RANBP17: variants seen among roughly 807,000 people sequenced by gnomAD.
RANBP17 encodes RAN binding protein 17.
In RANBP17, 158 loss-of-function variants were observed where a neutral mutation model predicts 141.2. The observed-to-expected ratio is 1.12, with a 90% CI of 0.98 to 1.28. The LOEUF (loss-of-function observed/expected upper bound fraction) is 1.28, where lower values mean the gene tolerates loss of function less well. Ranked by LOEUF, RANBP17 falls within the 50% of genes most tolerant of loss-of-function variation. The pLI, the probability that RANBP17 is intolerant of heterozygous loss-of-function variation, is 0.00. For synonymous variants in RANBP17, 430 were observed against 450.0 expected, an observed-to-expected ratio of 0.96 and a Z score of 0.56; for missense variants, 1,438 against 1,290.7, an observed-to-expected ratio of 1.11 and a Z score of -1.75.
chr5:171,213,848 C>G, intron 21 of RANBP17, 110 bp downstream of exon 21: 8 of 819,816 alleles, frequency 9.8e-6, no homozygotes, highest in Middle Eastern at 4.5e-4. Context: ...AGCAAGAGCC[C>G]AGGAACCAAG....
chr5:171,274,133 TGTGTGTGTGTGTGTGTGC>T (rs1338473232), intron 25 of RANBP17, among the ~76,000 whole-genome samples: 1 of 128,310 alleles, frequency 7.8e-6, no homozygotes, highest in South Asian at 2.5e-4. Flanking sequence ...TGTGTGTGTG[TGTGTGTGTGTGTGTGTGC>T]GCGCGCGCGC....
chr5:170,999,488 G>A (rs1003231374), intron 14 of RANBP17, among the ~76,000 whole-genome samples: 2 of 152,026 alleles, frequency 1.3e-5, no homozygotes. Flanking sequence ...TACCTATAAT[G>A]CTATTAAACT....
chr5:171,005,928 AG>A (rs1187070245), intron 14 of RANBP17, among the ~76,000 whole-genome samples: 2 of 152,188 alleles, frequency 1.3e-5, no homozygotes, highest in African/African-American at 4.8e-5. Flanking sequence ...ATCAAAAAGT[AG>A]GCAAAGGATA....
chr5:171,227,652 G>A (rs2127987005), intron 22 of RANBP17, among the ~76,000 whole-genome samples: 1 of 152,292 alleles, frequency 6.6e-6, no homozygotes, highest in Non-Finnish European at 1.5e-5. Flanking sequence ...AAATGCTATT[G>A]GAAGAAGATG....
chr5:171,102,938 C>T (rs868624077), intron 14 of RANBP17, among the ~76,000 whole-genome samples: 2 of 152,174 alleles, frequency 1.3e-5, no homozygotes, highest in Non-Finnish European at 2.9e-5. Flanking sequence ...GGCTACACAA[C>T]AGCAAAGATT....
At chr5:171,055,704 G>A (rs964684362) in intron 14 of RANBP17, among the ~76,000 whole-genome samples, 18 of 151,812 alleles carry the variant, frequency 1.2e-4, no homozygotes, top group African/African-American at 2.4e-5. Flanking sequence ...GTGACATTCT[G>A]TACTTAGCAC....
intron 14 of RANBP17, among the ~76,000 whole-genome samples, chr5:171,005,719 G>A (rs1410142666): frequency 6.6e-6 from 1 of 152,152 alleles, no homozygotes; most frequent in East Asian, 1.9e-4. Flanking sequence ...AAAAGCAATG[G>A]CAACAAAAGC....
intron 5 of RANBP17, among the ~76,000 whole-genome samples, chr5:170,896,421 C>A (rs1251925255): frequency 6.6e-6 from 1 of 152,066 alleles, no homozygotes; most frequent in Non-Finnish European, 1.5e-5. Flanking sequence ...AATATGCTAA[C>A]CATAAGAAAT....
chr5:171,101,546 A>G (rs1188549400), intron 14 of RANBP17, among the ~76,000 whole-genome samples: 1 of 151,772 alleles, frequency 6.6e-6, no homozygotes. Context: ...TCTTGACTCT[A>G]TCCAGTTTTC....
chr5:171,183,218 A>C lies in RANBP17; in HGVS notation c.1917A>C (p.Leu639=). Reference sequence around the variant, plus strand: ...AGATAGATGCTGTGAAATTCATGCTAAAAAACCACACGGTAAGTCTTATTT... The same window carrying C: ...AGATAGATGCTGTGAAATTCATGCTCAAAAACCACACGGTAAGTCTTATTT... ...LVKIDAVKFM[L]KNHTSEHFPF... Residue 639 remains leucine (L), a synonymous_variant, in exon 17 of 28, where the codon CTA becomes CTC. Transcript: ENST00000523189. 1 of 1,597,146 alleles carries C rather than the reference A, an allele frequency of 6.3e-7. No homozygotes were observed. The highest frequency in any genetic ancestry group is 8.6e-7 in the Non-Finnish European group (1 of 1,164,622).
intron 14 of RANBP17, among the ~76,000 whole-genome samples, chr5:171,052,844 T>C (rs372145559): frequency 9.6e-4 from 146 of 152,300 alleles, no homozygotes; most frequent in African/African-American, 3.4e-3. Flanking sequence ...TTCTAACCCA[T>C]GAACATGAAA....
intron 18 of RANBP17, among the ~76,000 whole-genome samples, chr5:171,196,165 G>A (rs1761965938): frequency 6.6e-6 from 1 of 152,210 alleles, no homozygotes; most frequent in Admixed American, 6.5e-5. Context: ...TATGGGGTTG[G>A]AAAGTGATGT....
intron 5 of RANBP17, among the ~76,000 whole-genome samples, chr5:170,907,598 T>TTA (rs1284357213): frequency 6.6e-6 from 1 of 151,912 alleles, no homozygotes; most frequent in African/African-American, 2.4e-5. Context: ...GAGTGAGAAG[T>TTA]TAGTCTAAGA....
intron 20 of RANBP17, among the ~76,000 whole-genome samples, chr5:171,209,459 G>A (rs1452812630): frequency 6.6e-6 from 1 of 152,020 alleles, no homozygotes; most frequent in Non-Finnish European, 1.5e-5. Flanking sequence ...AGAGAAGAAA[G>A]TAAAGCTGAA....
chr5:171,146,558 C>T (rs2339232), intron 14 of RANBP17, among the ~76,000 whole-genome samples: 3,770 of 151,878 alleles, frequency 0.025, 64 homozygotes, highest in Non-Finnish European at 0.04. Context: ...CAAAAAAAAA[C>T]GGTATGTAAT....
intron 22 of RANBP17, among the ~76,000 whole-genome samples, chr5:171,224,014 A>G (rs193262897): frequency 2.8e-3 from 425 of 152,304 alleles, no homozygotes; most frequent in Non-Finnish European, 4.9e-3. Flanking sequence ...TAATTGAGCT[A>G]TTCTGGTAAA....
rs1421042166 is a variant in RANBP17 at position 171,212,095 on chromosome 5, C to G, written c.2232-1536C>G. ...TCCACCACCATACACAGGAGACACT[C>G]CTAACCCATTAGGGAGAGGTAGGAG... On this transcript the variant is annotated intron_variant, in intron 20 of 27. Transcript: ENST00000523189. Among the ~76,000 whole-genome samples the G allele has an allele frequency of 9.0e-4, 137 of 152,274 alleles. 1 individual carries two copies. Among genetic ancestry groups the G allele is most frequent in the Non-Finnish European group, 2.2e-4 (15 of 68,024 alleles).
intron 14 of RANBP17, among the ~76,000 whole-genome samples, chr5:171,153,014 C>T (rs903935970): frequency 2.6e-5 from 4 of 152,146 alleles, no homozygotes; most frequent in African/African-American, 2.4e-5. Context: ...GCATTTTATG[C>T]TCTGTGTCCT....
At chr5:171,218,588 C>T (rs1025679863) in intron 21 of RANBP17, among the ~76,000 whole-genome samples, 1 of 151,966 alleles carries the variant, frequency 6.6e-6, no homozygotes, top group African/African-American at 2.4e-5. Flanking sequence ...ATTGGGTGCT[C>T]CTGTATTGGG....
Sources: allele counts gnomAD v4.1 joint callset (sites outside exome capture counted in the v4.1 genomes callset), GRCh38; gene constraint gnomAD v4.1.1; transcripts MANE v1.5; gene names NCBI Gene and HGNC (gene_info 2026-07-23, HGNC 2026-07-21).